The following PDZD2 variants were observed in gnomAD, a reference collection of about 807,000 sequenced individuals.
PDZD2 encodes PDZ domain-containing protein 2.
A neutral mutation model predicts 220.7 loss-of-function variants in PDZD2; 90 were observed. The ratio of observed to expected loss-of-function variants is 0.41; its 90% CI spans 0.34 to 0.49. The LOEUF is 0.49. Ranked by LOEUF, PDZD2 falls within the 20% of genes least tolerant of loss-of-function variation. The pLI is 0.28. For synonymous variants in PDZD2, 1,375 were observed against 1,450.5 expected (o/e 0.95, Z 1.18); for missense variants, 3,174 against 3,608.5 (o/e 0.88, Z 3.08).
In PDZD2 at chr5:31,662,879, T is replaced by C. The variant is rs565705502; in HGVS notation, c.-361+23442T>C. On this transcript the variant is annotated intron_variant, in intron 1 of 24. Transcript: ENST00000438447. ...TCTCCTGACCTTGTGATCCACCCGC[T>C]GTGGCCTCCCAAAGTGCTGGGATTA... 4.0e-3 allele frequency among the ~76,000 whole-genome samples: 616 copies of C among 152,284 alleles called. 3 individuals carry two copies. Among genetic ancestry groups the C allele is most frequent in the African/African-American group, 0.013 (542 of 41,558 alleles).
intron 6 of PDZD2, among the ~76,000 whole-genome samples, chr5:32,012,383 TA>T (rs1187045295): frequency 6.6e-6 from 1 of 152,090 alleles, no homozygotes; most frequent in Non-Finnish European, 1.5e-5. Context: ...TTTAAAAAAT[TA>T]TTTTTTTTTG....
chr5:31,790,030 T>C (rs1390714116), intron 1 of PDZD2, among the ~76,000 whole-genome samples: 6 of 152,256 alleles, frequency 3.9e-5, no homozygotes, highest in African/African-American at 1.4e-4. Context: ...GTCCTCACTC[T>C]GGCCACCCCT....
intron 1 of PDZD2, among the ~76,000 whole-genome samples, chr5:31,664,451 TAC>T (rs10629638): frequency 0.026 from 3,742 of 144,260 alleles, 118 homozygotes; most frequent in African/African-American, 0.078. Flanking sequence ...CATGCATGCA[TAC>T]ACACACACAC....
intron 2 of PDZD2, among the ~76,000 whole-genome samples, chr5:31,904,773 G>A (rs777373348): frequency 1.3e-5 from 2 of 152,058 alleles, no homozygotes; most frequent in Non-Finnish European, 2.9e-5. Flanking sequence ...AATTAGTAGT[G>A]ATGGTGAATA....
At chr5:31,791,443 A>G (rs1371388867) in intron 1 of PDZD2, among the ~76,000 whole-genome samples, 1 of 151,956 alleles carries the variant, frequency 6.6e-6, no homozygotes, top group Non-Finnish European at 1.5e-5. Flanking sequence ...ATACAAAATT[A>G]GCCAAGTGTG....
Position 32,087,442 on chromosome 5 carries a change from G to A in PDZD2, c.3994G>A (p.Gly1332Arg), listed in dbSNP as rs1047425766. 50 of 1,614,104 alleles carry A rather than the reference G, an allele frequency of 3.1e-5. No individual in the cohort carries two copies. Among genetic ancestry groups the A allele is most frequent in the Non-Finnish European group, 4.2e-5 (50 of 1,179,984 alleles). ...CAGGGGAGCGGGACCTGGAGCAGAG[G>A]GAATGACACCAGCTGGTGCTGTCCT... The part of the protein sequence containing the change: ...ALRGAGPGAE[G>R]MTPAGAVLPG... Residue 1332 changes from glycine (G) to arginine (R), a missense_variant, in exon 20 of 25, where the codon GGA becomes AGA. By Grantham distance (125) the Gly-to-Arg change is moderately radical. This residue lies in a region of PDZD2 where 1,861 missense variants were observed against 2,001.0 expected (regional missense o/e 0.93). Coordinates refer to ENST00000438447, the MANE Select transcript of PDZD2 (RefSeq NM_178140.4). This position sits in a 1 kb window ranked among gnomAD's most constrained non-coding sequence, Gnocchi z 4.0.
chr5:31,868,396 G>A (rs1361243251), intron 2 of PDZD2, among the ~76,000 whole-genome samples: 1 of 152,156 alleles, frequency 6.6e-6, no homozygotes, highest in Non-Finnish European at 1.5e-5. Context: ...AGTAAGCCAA[G>A]ATCGCGCCAC....
intron 2 of PDZD2, among the ~76,000 whole-genome samples, chr5:31,839,446 G>A: frequency 6.6e-6 from 1 of 152,140 alleles, no homozygotes. Context: ...ATAAATAACT[G>A]GCAAATATTT....
chr5:31,869,408 C>G (rs1266143844), intron 2 of PDZD2, among the ~76,000 whole-genome samples: 1 of 152,018 alleles, frequency 6.6e-6, no homozygotes, highest in Non-Finnish European at 1.5e-5. Context: ...TGGCTGCATA[C>G]AAAAATTAGC....
chr5:31,779,033 C>A (rs1443430127), intron 1 of PDZD2, among the ~76,000 whole-genome samples: 1 of 152,146 alleles, frequency 6.6e-6, no homozygotes, highest in Non-Finnish European at 1.5e-5. Context: ...AATGAAACCA[C>A]AAATCTGGTT....
chr5:31,958,623 A>G (rs1747941508), intron 2 of PDZD2, among the ~76,000 whole-genome samples: 1 of 148,904 alleles, frequency 6.7e-6, no homozygotes, highest in Non-Finnish European at 1.5e-5. Flanking sequence ...GTTTTAAAGT[A>G]CTCCACCCCG....
intron 2 of PDZD2, among the ~76,000 whole-genome samples, chr5:31,816,157 A>G (rs35699136): frequency 0.16 from 23,683 of 151,344 alleles, 1,962 homozygotes; most frequent in Middle Eastern, 0.2. Flanking sequence ...GCATGGTGGC[A>G]GGCGCCTGTA....
chr5:32,107,941 A>G (rs780897591), intron 24 of PDZD2, 28 bp from the exon 25 acceptor site: 1 of 1,552,484 alleles, frequency 6.4e-7, no homozygotes, highest in Non-Finnish European at 8.8e-7. Flanking sequence ...CTGCCAAGCT[A>G]TTAATTATTC....
In PDZD2 at chr5:31,665,647, C is replaced by CCCG. The variant is rs1554060796; in HGVS notation, c.-361+26212_-361+26213insGCC. Among the ~76,000 whole-genome samples, 6 of 112,744 alleles carry CCCG rather than the reference C, an allele frequency of 5.3e-5. No homozygotes were observed. In the East Asian group the frequency reaches 8.6e-4, roughly 16 times the overall value. 74.0% of individuals were successfully genotyped at this position (112,744 alleles called of 152,430 possible). ...AAAAGTGTTTGGAAGTTCCCCCTCC[C>CCCG]CCCCCTCCCTTTCCTGCTGCCTTGT... On this transcript the variant is annotated intron_variant, in intron 1 of 24. Coordinates refer to ENST00000438447, the MANE Select transcript of PDZD2 (RefSeq NM_178140.4).
intron 1 of PDZD2, among the ~76,000 whole-genome samples, chr5:31,650,421 G>C (rs1490739320): frequency 1.3e-5 from 2 of 152,088 alleles, no homozygotes; most frequent in Non-Finnish European, 2.9e-5. Flanking sequence ...TGAGAAGCAG[G>C]AACTGCCTGG....
Position 32,074,596 on chromosome 5 carries a change from G to A in PDZD2, c.3490G>A (p.Val1164Ile). The change falls in exon 18 of 25, where the codon GTC (valine) becomes ATC (isoleucine). Residue 1164 changes from valine (V) to isoleucine (I), a missense_variant. Around this residue, in one of 4 missense-constraint regions of PDZD2, gnomAD observed 1,861 missense variants for 2,001.0 expected, o/e 0.93. Transcript: ENST00000438447. Reference sequence around the variant, plus strand: ...GGACTCGAGAGTCCAGGCCACTTCTGTCAAAGTGACTGTCGCTGGCTTTCA... The same window carrying A: ...GGACTCGAGAGTCCAGGCCACTTCTATCAAAGTGACTGTCGCTGGCTTTCA... Reference protein sequence around the residue: ...DLDSRVQATSVKVTVAGFQPG... With the variant: ...DLDSRVQATSIKVTVAGFQPG... The A allele has an allele frequency of 6.2e-7, 1 of 1,612,264 alleles. No individual in the cohort carries two copies. Among genetic ancestry groups the A allele is most frequent in the Non-Finnish European group, 8.5e-7 (1 of 1,179,266 alleles).
chr5:31,952,119 T>A (rs568673698), intron 2 of PDZD2, among the ~76,000 whole-genome samples: 21 of 152,350 alleles, frequency 1.4e-4, no homozygotes, highest in African/African-American at 4.6e-4. Flanking sequence ...AATTATTACA[T>A]AAATAGGGAT....
At chr5:32,027,201 GC>G (rs1754740079) in intron 6 of PDZD2, among the ~76,000 whole-genome samples, 1 of 152,204 alleles carries the variant, frequency 6.6e-6, no homozygotes, top group South Asian at 2.1e-4. Context: ...ACCATGCCTG[GC>G]CCCCCTGTTA....
intron 1 of PDZD2, among the ~76,000 whole-genome samples, chr5:31,762,704 G>A (rs1751727522): frequency 6.6e-6 from 1 of 152,194 alleles, no homozygotes; most frequent in African/African-American, 2.4e-5. Flanking sequence ...TGTCATGGCG[G>A]CTGTTGAGTA....
Sources: gnomAD v4.1 joint callset for allele counts (sites outside exome capture counted in the v4.1 genomes callset) on GRCh38, gnomAD v4.1.1 for gene constraint, gnomAD v4.1.1 regional missense constraint, Gnocchi (gnomAD v3.1) non-coding constraint, MANE v1.5 for transcripts, NCBI Gene and HGNC (gene_info 2026-07-23, HGNC 2026-07-21) for gene names.